The following IL1RAPL2 variants were observed in gnomAD, a reference collection of about 807,000 sequenced individuals.
IL1RAPL2 encodes X-linked interleukin-1 receptor accessory protein-like 2.
In IL1RAPL2, 3 loss-of-function variants were observed where a neutral mutation model predicts 44.1. The ratio of observed to expected loss-of-function variants is 0.07; its 90% confidence interval spans 0.03 to 0.18. The LOEUF is 0.18. Among genes scored for constraint, IL1RAPL2 ranks in the 10% least tolerant of loss-of-function variants. IL1RAPL2 has a pLI of 1.00. For synonymous variants in IL1RAPL2, 181 were observed against 178.8 expected (o/e 1.01, Z -0.10); for missense variants, 391 against 496.4 (o/e 0.79, Z 2.02).
intron 2 of IL1RAPL2, among the ~76,000 whole-genome samples, chrX:104,968,128 A>C (rs568919657): frequency 5.4e-5 from 6 of 112,050 alleles, no homozygotes; most frequent in African/African-American, 1.9e-4. Flanking sequence ...AACATAGATG[A>C]AAATTCTAAT....
chrX:104,869,167 G>C (rs184576149), intron 2 of IL1RAPL2, among the ~76,000 whole-genome samples: 51 of 110,685 alleles, frequency 4.6e-4, no homozygotes, highest in Non-Finnish European at 2.3e-4. Context: ...TTCACTCAAG[G>C]CTCTGAGAAA....
At chrX:105,138,473 C>CAAAAAA (rs371757842) in intron 2 of IL1RAPL2, among the ~76,000 whole-genome samples, 3 of 54,479 alleles carry the variant, frequency 5.5e-5, no homozygotes, top group East Asian at 6.2e-4. Context: ...ATATAATTAC[C>CAAAAAA]AAAAAAAAAA....
chrX:104,670,064 G>A (rs1210326608), intron 2 of IL1RAPL2, among the ~76,000 whole-genome samples: 1 of 111,570 alleles, frequency 9.0e-6, no homozygotes, highest in Non-Finnish European at 1.9e-5. Flanking sequence ...ATATATGAAA[G>A]GGAGTCTATT....
At chrX:104,780,754 C>T (rs1193658113) in intron 2 of IL1RAPL2, among the ~76,000 whole-genome samples, 1 of 111,809 alleles carries the variant, frequency 8.9e-6, no homozygotes, top group East Asian at 2.8e-4. Context: ...GAGAAGCAGA[C>T]CTCTGTTGGG....
intron 6 of IL1RAPL2, among the ~76,000 whole-genome samples, chrX:105,528,033 A>G (rs775826368): frequency 2.8e-4 from 32 of 112,314 alleles, no homozygotes; most frequent in African/African-American, 1.0e-3. Flanking sequence ...ATTTCAGGGA[A>G]TACCCATGTC....
rs769452032 is a variant in IL1RAPL2 at position 105,652,203 on chromosome X, A to G, written c.773-65164A>G. On this transcript the variant is annotated intron_variant, in intron 6 of 10. Transcript: ENST00000372582. ...GGTATGTTATATGCCTGTCTTGGTA[A>G]AAGAACCTACAGATCCATTTGATTC... Among the ~76,000 whole-genome samples, 10 of 111,734 alleles carry G rather than the reference A, an allele frequency of 8.9e-5. No individual in the cohort carries two copies. In the East Asian group the frequency reaches 2.8e-3, roughly 31 times the overall value.
At chrX:105,216,085 A>G (rs1174263210) in intron 3 of IL1RAPL2, among the ~76,000 whole-genome samples, 1 of 111,490 alleles carries the variant, frequency 9.0e-6, no homozygotes, top group Non-Finnish European at 1.9e-5. Flanking sequence ...CTCCTATTCA[A>G]CACAGTGTTG....
chrX:105,729,345 C>T (rs1169033619), intron 7 of IL1RAPL2, among the ~76,000 whole-genome samples: 1 of 111,745 alleles, frequency 8.9e-6, no homozygotes, highest in Non-Finnish European at 1.9e-5. Context: ...TATTGCTTCA[C>T]ATCCTTGCCA....
intron 2 of IL1RAPL2, among the ~76,000 whole-genome samples, chrX:104,661,718 G>A (rs1423877831): frequency 3.6e-5 from 4 of 111,468 alleles, no homozygotes; most frequent in Non-Finnish European, 5.7e-5. Context: ...TGGCAAATCT[G>A]CAGTACAAAT....
intron 2 of IL1RAPL2, among the ~76,000 whole-genome samples, chrX:105,159,392 A>G (rs747881547): frequency 1.8e-5 from 2 of 112,220 alleles, no homozygotes; most frequent in African/African-American, 3.2e-5. Context: ...AGATTCCTAC[A>G]GAAGTCTTTC....
chrX:105,006,349 A>G (rs916340177), intron 2 of IL1RAPL2, among the ~76,000 whole-genome samples: 1 of 110,371 alleles, frequency 9.1e-6, no homozygotes, highest in Non-Finnish European at 1.9e-5. Context: ...CCTAGGAGGA[A>G]ACATCTCACA....
intron 2 of IL1RAPL2, among the ~76,000 whole-genome samples, chrX:104,785,584 A>G (rs1020915254): frequency 9.0e-6 from 1 of 111,219 alleles, no homozygotes; most frequent in Non-Finnish European, 1.9e-5. Context: ...CTGACCTTGC[A>G]TCTGCCTTCA....
chrX:104,600,021 C>T (rs1209881045), intron 1 of IL1RAPL2, among the ~76,000 whole-genome samples: 1 of 111,586 alleles, frequency 9.0e-6, no homozygotes, highest in Non-Finnish European at 1.9e-5. Flanking sequence ...GCAACCAAAA[C>T]CCTTTCGTTG....
chrX:105,625,672 T>G (rs1170247396), intron 6 of IL1RAPL2, among the ~76,000 whole-genome samples: 1 of 111,347 alleles, frequency 9.0e-6, no homozygotes, highest in Non-Finnish European at 1.9e-5. Flanking sequence ...AAGCAGATTA[T>G]TTGTCCCCAC....
At chrX:105,187,624 C>A (rs1556134687) in intron 2 of IL1RAPL2, among the ~76,000 whole-genome samples, 1 of 111,356 alleles carries the variant, frequency 9.0e-6, no homozygotes, top group African/African-American at 3.3e-5. Flanking sequence ...GTGAAATAAG[C>A]CAAGAACAGA....
chrX:105,759,251 G>C (rs1176104318), intron 10 of IL1RAPL2, among the ~76,000 whole-genome samples: 1 of 112,161 alleles, frequency 8.9e-6, no homozygotes, highest in Non-Finnish European at 1.9e-5. Flanking sequence ...TGTACTCTTT[G>C]TTTCCCTTTA....
At chrX:104,773,764 A>G (rs2084936402) in intron 2 of IL1RAPL2, among the ~76,000 whole-genome samples, 1 of 112,314 alleles carries the variant, frequency 8.9e-6, no homozygotes, top group South Asian at 3.7e-4. Context: ...CAGAGGTTAA[A>G]TTGAAAGAAT....
At chrX:104,624,845 A>G (rs764175007) in intron 1 of IL1RAPL2, among the ~76,000 whole-genome samples, 59 of 111,690 alleles carry the variant, frequency 5.3e-4, no homozygotes, top group African/African-American at 1.8e-3. Context: ...ATTCACTAGA[A>G]AGTATGAGGT....
intron 2 of IL1RAPL2, among the ~76,000 whole-genome samples, chrX:104,920,832 G>A (rs950138889): frequency 9.1e-6 from 1 of 110,153 alleles, no homozygotes; most frequent in African/African-American, 3.3e-5. Context: ...GATACAGCTG[G>A]GAGGTGCCTT....
Sources: gnomAD v4.1 joint callset for allele counts (sites outside exome capture counted in the v4.1 genomes callset) on GRCh38, gnomAD v4.1.1 for gene constraint, MANE v1.5 for transcripts, NCBI Gene and HGNC (gene_info 2026-07-23, HGNC 2026-07-21) for gene names.